Variants in ZNF14 observed in about 807,000 individuals in gnomAD.
The protein encoded by ZNF14 is zinc finger protein 14, also known as gonadotropin inducible transcription repressor-4.
ZNF14 carries 9 observed loss-of-function variants against 11.3 expected under a neutral mutation model. That is an observed-to-expected ratio of 0.80 (90% CI 0.48 to 1.39). ZNF14 has a LOEUF of 1.39. Ranked by LOEUF, ZNF14 falls within the 40% of genes most tolerant of loss-of-function variation. The pLI is 0.00. For missense variants in ZNF14, 711 were observed against 763.9 expected, an observed-to-expected ratio of 0.93 and a Z score of 0.82; for synonymous variants, 239 against 245.7, an observed-to-expected ratio of 0.97 and a Z score of 0.25.
chr19:19,714,090 C>T lies in ZNF14; in HGVS notation c.191+1G>A. 1 of 1,613,208 alleles carries T rather than the reference C, an allele frequency of 6.2e-7. No homozygotes were observed. The highest frequency in any genetic ancestry group is 8.5e-7 in the Non-Finnish European group (1 of 1,179,600). On this transcript the variant is annotated splice_donor_variant, in intron 3 of 3. Transcript: ENST00000344099. LOFTEE classifies it high-confidence loss of function. The stretch of plus-strand genomic sequence containing the variant: ...ACTATTTTTCTGTGGATGCAACTCA[C>T]CTTCGATTTTTCCCCTGGTTTCTGT...
At chr19:19,717,173 G>A (rs1046458167) in intron 1 of ZNF14, among the ~76,000 whole-genome samples, 2 of 152,058 alleles carry the variant, frequency 1.3e-5, no homozygotes, top group African/African-American at 2.4e-5. Flanking sequence ...GCTTCTACAC[G>A]CCAACTACAA....
At chr19:19,721,680 G>A (rs1358099204) in intron 1 of ZNF14, among the ~76,000 whole-genome samples, 3 of 152,086 alleles carry the variant, frequency 2.0e-5, no homozygotes. Context: ...CAACAACCTG[G>A]GCTTGGTGTG....
chr19:19,711,538 G>A lies in ZNF14; in HGVS notation c.1743C>T (p.His581=), dbSNP rs767581106. The part of the protein sequence containing the change: ...SSKFRMHERT[H]TGEKPYRCKQ... ...TACATCGATAGGGTTTCTCTCCCGT[G>A]TGAGTTCTCTCATGCATTCGAAATT... Residue 581 remains histidine, a synonymous_variant, in exon 4 of 4, where the codon CAC becomes CAT. Coordinates refer to ENST00000344099, the MANE Select transcript of ZNF14 (RefSeq NM_021030.3). The A allele has an allele frequency of 1.3e-5, 21 of 1,613,526 alleles. No homozygotes were observed. The highest frequency in any genetic ancestry group is 1.7e-5 in the Non-Finnish European group (20 of 1,179,832).
intron 1 of ZNF14, among the ~76,000 whole-genome samples, chr19:19,719,475 T>G (rs946644566): frequency 2.0e-5 from 3 of 152,178 alleles, no homozygotes; most frequent in Non-Finnish European, 4.4e-5. Context: ...TACTTTTTCA[T>G]GAGGTACTTG....
chr19:19,732,962 C>T lies in ZNF14; in HGVS notation c.-4G>A, dbSNP rs151162533. ...ACTGGCCCCGCACACTCACCATTTCCCAGCGTCCGGGAAGTCACGGTGTCC... is the reference window on the plus strand; with the variant it reads ...ACTGGCCCCGCACACTCACCATTTCTCAGCGTCCGGGAAGTCACGGTGTCC... On this transcript the variant is annotated 5_prime_UTR_variant, in exon 1 of 4. Transcript: ENST00000344099. 3,025 of 1,613,686 alleles carry T rather than the reference C, an allele frequency of 1.9e-3. 51 individuals carry two copies. The African/African-American group carries it at 0.036, about 19-fold the overall frequency.
At chr19:19,721,831 C>T (rs2062394035) in intron 1 of ZNF14, among the ~76,000 whole-genome samples, 1 of 151,990 alleles carries the variant, frequency 6.6e-6, no homozygotes, top group Non-Finnish European at 1.5e-5. Flanking sequence ...GGTATGGTGG[C>T]AGCCACCTGT....
chr19:19,729,797 C>A (rs2062417950), intron 1 of ZNF14, among the ~76,000 whole-genome samples: 1 of 152,128 alleles, frequency 6.6e-6, no homozygotes, highest in Admixed American at 6.6e-5. Flanking sequence ...CATTAATATG[C>A]TTCCACCTTA....
At chr19:19,730,134 C>G (rs1477281996) in intron 1 of ZNF14, among the ~76,000 whole-genome samples, 3 of 152,170 alleles carry the variant, frequency 2.0e-5, no homozygotes, top group African/African-American at 7.2e-5. Flanking sequence ...TCTAATTCTC[C>G]TGCCTCAACC....
intron 1 of ZNF14, among the ~76,000 whole-genome samples, chr19:19,717,465 T>G (rs1599469156): frequency 6.6e-6 from 1 of 152,326 alleles, no homozygotes; most frequent in East Asian, 1.9e-4. Context: ...TATGATTGAT[T>G]AAATCATTAC....
At chr19:19,729,913 G>A (rs993940659) in intron 1 of ZNF14, among the ~76,000 whole-genome samples, 2 of 152,080 alleles carry the variant, frequency 1.3e-5, no homozygotes, top group African/African-American at 2.4e-5. Context: ...AGACCGATAA[G>A]CTTTACAAAT....
chr19:19,727,401 G>A (rs2062409375), intron 1 of ZNF14, among the ~76,000 whole-genome samples: 1 of 132,106 alleles, frequency 7.6e-6, no homozygotes, highest in African/African-American at 2.8e-5. Flanking sequence ...CTTCCGAAGT[G>A]CTGGGATTAT....
rs985608426 is a variant in ZNF14 at position 19,724,886 on chromosome 19, A to G, written c.3+8070T>C. ...TTGTTGGTTTAAAGTCTGTTTTATC[A>G]GAGACTAGGATTGCAACCCCTACTT... On this transcript the variant is annotated intron_variant, in intron 1 of 3. Coordinates refer to ENST00000344099, the MANE Select transcript of ZNF14 (RefSeq NM_021030.3). 2.6e-4 allele frequency among the ~76,000 whole-genome samples: 35 copies of G among 132,668 alleles called. 5 individuals are homozygous for G. The highest frequency in any genetic ancestry group is 9.2e-4 in the African/African-American group (33 of 35,748). 87.0% of individuals were successfully genotyped at this position (132,668 alleles called of 152,430 possible).
intron 1 of ZNF14, among the ~76,000 whole-genome samples, chr19:19,723,468 G>A (rs1245287222): frequency 1.3e-5 from 2 of 152,158 alleles, no homozygotes; most frequent in African/African-American, 2.4e-5. Context: ...TTGATGTGCT[G>A]CTGGATTCAG....
At chr19:19,714,018 G>C in intron 3 of ZNF14, 73 bp downstream of exon 3, 2 of 1,358,452 alleles carry the variant, frequency 1.5e-6, no homozygotes, top group Non-Finnish European at 2.1e-6. Context: ...ATTTGAAGCT[G>C]TGCTTAATTG....
chr19:19,728,919 G>A (rs1383075264), intron 1 of ZNF14, among the ~76,000 whole-genome samples: 1 of 151,986 alleles, frequency 6.6e-6, no homozygotes, highest in Non-Finnish European at 1.5e-5. Flanking sequence ...ACAATTCTTT[G>A]ACAGAACTAA....
chr19:19,724,838 G>T (rs369880802), intron 1 of ZNF14, among the ~76,000 whole-genome samples: 1 of 132,722 alleles, frequency 7.5e-6, no homozygotes. Context: ...TTATGTAATG[G>T]CCTTCTTTGT....
Position 19,712,971 on chromosome 19 carries a change from C to T in ZNF14, c.310G>A (p.Glu104Lys), listed in dbSNP as rs1403712694. 1 of 1,614,156 alleles carries T rather than the reference C, an allele frequency of 6.2e-7. No individual in the cohort carries two copies. Among genetic ancestry groups the T allele is most frequent in the South Asian group, 1.1e-5 (1 of 91,080 alleles). ...AAGTCTCTTCCACAAAAGCTGCATT[C>T]ATGTGGTTTTGCTCCAGTAAAAGTT... ...KETFTGAKPH[E>K]CSFCGRDFIH... is the part of the protein sequence containing the mutation. Residue 104 changes from glutamate to lysine, a missense_variant, in exon 4 of 4, where the codon GAA (glutamate) becomes AAA (lysine). Transcript: ENST00000344099.
rs1490727358 is a variant in ZNF14, at chr19:19,711,988, T to G, written c.1293A>C (p.Ser431=). The change falls in exon 4 of 4, where the codon TCA becomes TCC. Residue 431 remains serine, a synonymous_variant. Coordinates refer to ENST00000344099, the MANE Select transcript of ZNF14 (RefSeq NM_021030.3). The part of the protein sequence containing the change: ...CKQCGKTFSF[S]SSLQRHERTH... The stretch of plus-strand genomic sequence containing the variant: ...TCCTTTCATGTCTTTGAAGGGAACT[T>G]GAAAAACTGAAGGTTTTACCACATT... 6.2e-7 allele frequency: 1 copy of G among 1,613,624 alleles called. No individual in the cohort carries two copies. Among genetic ancestry groups the G allele is most frequent in the Middle Eastern group, 1.7e-4 (1 of 6,060 alleles).
Position 19,711,188 on chromosome 19 carries a change from A to G in ZNF14, c.*164T>C, listed in dbSNP as rs991195940. 1 of 676,422 alleles carries G rather than the reference A, an allele frequency of 1.5e-6. No individual in the cohort carries two copies. The highest frequency in any genetic ancestry group is 2.3e-6 in the Non-Finnish European group (1 of 434,142). 41.9% of individuals were successfully genotyped at this position (676,422 alleles called of 1,614,324 possible). A position where few individuals can be genotyped will look rare whatever the true frequency, so the allele number is the denominator to read the frequency against. Reference sequence around the variant, plus strand: ...GCTTAATCACAATGTTTACATTCATACTGTTTCTCACCAGTGGGAATTCTT... The same window carrying G: ...GCTTAATCACAATGTTTACATTCATGCTGTTTCTCACCAGTGGGAATTCTT... On this transcript the variant is annotated 3_prime_UTR_variant, in exon 4 of 4. Coordinates refer to ENST00000344099, the MANE Select transcript of ZNF14 (RefSeq NM_021030.3).
Sources: allele counts gnomAD v4.1 joint callset (sites outside exome capture counted in the v4.1 genomes callset), GRCh38; gene constraint gnomAD v4.1.1; transcripts MANE v1.5; gene names NCBI Gene and HGNC (gene_info 2026-07-23, HGNC 2026-07-21).